The following LRSAM1 variants were observed in gnomAD, a reference collection of about 807,000 sequenced individuals.
The protein encoded by LRSAM1 is E3 ubiquitin-protein ligase LRSAM1.
Under a neutral mutation model 118.1 loss-of-function variants are expected in LRSAM1, and 96 were observed. That is an observed-to-expected ratio of 0.81 (90% CI 0.69 to 0.96). The LOEUF (loss-of-function observed/expected upper bound fraction) is 0.96, where lower values mean the gene tolerates loss of function less well. LRSAM1 is among the 40% of genes least tolerant of loss of function. The probability of loss-of-function intolerance (pLI) is 0.00; values close to 1 mark genes in which losing one functional copy is unlikely to be tolerated. For missense variants in LRSAM1, 804 were observed against 915.5 expected, an observed-to-expected ratio of 0.88 and a Z score of 1.57; for synonymous variants, 322 against 364.2, an observed-to-expected ratio of 0.88 and a Z score of 1.32.
chr9:127,454,398 G>A, intron 2 of LRSAM1, 98 bp from the exon 3 acceptor site: 1 of 903,632 alleles, frequency 1.1e-6, no homozygotes, highest in Non-Finnish European at 1.8e-6. Flanking sequence ...TCATGGTCCA[G>A]CAGACCAGCT....
Position 127,480,020 on chromosome 9 carries a change from C to G in LRSAM1, c.1043+42C>G, listed in dbSNP as rs201167958. On this transcript the variant is annotated intron_variant, in intron 14 of 25. Transcript: ENST00000300417. ...CGGCCCCAGCCCCAGAGTCCTTCCC[C>G]GTGCAGTCCCCTGAGGAGCCGGGAG... is the stretch of plus-strand genomic sequence containing the variant. The G allele has an allele frequency of 9.9e-6, 16 of 1,613,900 alleles. No homozygotes were observed. The Admixed American group carries it at 1.8e-4, about 18-fold the overall frequency.
At chr9:127,466,278 C>T (rs1222123289) in intron 9 of LRSAM1, among the ~76,000 whole-genome samples, 1 of 151,832 alleles carries the variant, frequency 6.6e-6, no homozygotes, top group Non-Finnish European at 1.5e-5. Flanking sequence ...CACTGCACTC[C>T]AGCCTGCCAC....
chr9:127,460,937 C>A (rs1834717520), intron 7 of LRSAM1, among the ~76,000 whole-genome samples: 1 of 145,730 alleles, frequency 6.9e-6, no homozygotes, highest in African/African-American at 2.5e-5. Context: ...CTCACCGCAA[C>A]CTCTGCCTCC....
Position 127,454,542 on chromosome 9 carries a change from CCGGAAG to C in LRSAM1, c.21_26del (p.Arg8_Lys9del). 1 of 1,614,078 alleles carries C rather than the reference CCGGAAG, an allele frequency of 6.2e-7. No individual in the cohort carries two copies. The highest frequency in any genetic ancestry group is 1.1e-5 in the South Asian group (1 of 91,074). On this transcript the variant is annotated inframe_deletion, in exon 3 of 26. Coordinates refer to ENST00000300417, the MANE Select transcript of LRSAM1 (RefSeq NM_001005373.4). ...AAAAGGGAAGGATGCCGCTCTTCTTCCGGAAGCGGAAACCCAGTGAGGAGGCTCGGA... is the reference window on the plus strand; with the variant it reads ...AAAAGGGAAGGATGCCGCTCTTCTTCCGGAAACCCAGTGAGGAGGCTCGGA...
chr9:127,486,246 G>T (rs991270707), intron 17 of LRSAM1, among the ~76,000 whole-genome samples: 7 of 152,228 alleles, frequency 4.6e-5, no homozygotes, highest in Non-Finnish European at 2.9e-5. Flanking sequence ...CAGAGGGGAG[G>T]GGTGTGCTCT....
chr9:127,484,742 G>A (rs1588125690), intron 16 of LRSAM1, among the ~76,000 whole-genome samples: 1 of 151,172 alleles, frequency 6.6e-6, no homozygotes, highest in African/African-American at 2.4e-5. Context: ...TGCTACAAAT[G>A]TGTGTGTACA....
Position 127,457,339 on chromosome 9 carries a change from C to A in LRSAM1, c.198C>A (p.His66Gln), listed in dbSNP as rs533231306. 6.2e-7 allele frequency: 1 copy of A among 1,614,220 alleles called. No homozygotes were observed. The highest frequency in any genetic ancestry group is 2.2e-5 in the East Asian group (1 of 44,882). The change falls in exon 6 of 26, where the codon CAC (histidine) becomes CAA (glutamine). Residue 66 changes from histidine to glutamine, a missense_variant. By Grantham distance (24) the His-to-Gln change is conservative. Transcript: ENST00000300417. ...QKKVLIVHTN[H>Q]LTSLLPKSCS... ...AGGTGCTGATCGTCCACACGAATCACCTCACTTCCCTGCTTCCCAAATCCT... is the reference window on the plus strand; with the variant it reads ...AGGTGCTGATCGTCCACACGAATCAACTCACTTCCCTGCTTCCCAAATCCT...
At chr9:127,483,270 G>A (rs1047684733) in intron 16 of LRSAM1, among the ~76,000 whole-genome samples, 14 of 152,108 alleles carry the variant, frequency 9.2e-5, no homozygotes, top group African/African-American at 2.9e-4. Context: ...TCCAAGGCTC[G>A]GTTTTCTTAG....
At chr9:127,455,520 A>G (rs1834484603) in intron 4 of LRSAM1, 56 bp from the exon 5 acceptor site, 1 of 1,571,002 alleles carries the variant, frequency 6.4e-7, no homozygotes, top group African/African-American at 1.4e-5. Context: ...CCACTCAGAG[A>G]ACAAGCTAAA....
At chr9:127,456,472 C>G (rs1233194011) in intron 5 of LRSAM1, among the ~76,000 whole-genome samples, 1 of 152,144 alleles carries the variant, frequency 6.6e-6, no homozygotes, top group Non-Finnish European at 1.5e-5. Flanking sequence ...CTCAAGTGAT[C>G]CACCTGCCTT....
intron 25 of LRSAM1, among the ~76,000 whole-genome samples, chr9:127,502,170 G>A (rs963900681): frequency 6.6e-6 from 1 of 152,268 alleles, no homozygotes; most frequent in African/African-American, 2.4e-5. Flanking sequence ...GGCCTCCGTC[G>A]CCTGTCCAGA....
intron 3 of LRSAM1, among the ~76,000 whole-genome samples, 166 bp downstream of exon 3, chr9:127,454,765 G>A (rs953310785): frequency 2.6e-5 from 4 of 152,270 alleles, no homozygotes; most frequent in Non-Finnish European, 4.4e-5. Flanking sequence ...CCTGCCAAGG[G>A]TGCTTCTCCC....
intron 16 of LRSAM1, 41 bp downstream of exon 16, chr9:127,483,061 T>A: frequency 6.3e-7 from 1 of 1,580,526 alleles, no homozygotes; most frequent in Non-Finnish European, 8.7e-7. Flanking sequence ...CGCTGCCTGC[T>A]GGCTGGGCTG....
chr9:127,464,345 A>G (rs1258105550), intron 9 of LRSAM1, among the ~76,000 whole-genome samples: 1 of 151,824 alleles, frequency 6.6e-6, no homozygotes, highest in Non-Finnish European at 1.5e-5. Flanking sequence ...GGCCATGTGT[A>G]TCTAATGAGC....
At chr9:127,461,617 G>A (rs1834750315) in intron 8 of LRSAM1, among the ~76,000 whole-genome samples, 1 of 152,362 alleles carries the variant, frequency 6.6e-6, no homozygotes, top group Non-Finnish European at 1.5e-5. Flanking sequence ...CTCCAGCGAC[G>A]CACCAAGCCT....
chr9:127,479,496 G>A lies in LRSAM1; in HGVS notation c.894G>A (p.Thr298=), dbSNP rs771491533. ...SSSQKDEILQ[T]VKEEQSRLEQ... ...GCCAGAAGGATGAGATCCTTCAGAC[G>A]GTCAAGGAGGTTTGTGAGCCGCCTG... The change falls in exon 13 of 26, where the codon ACG becomes ACA. Residue 298 remains threonine (T), a synonymous_variant. Transcript: ENST00000300417. 243 of 1,613,780 alleles carry A rather than the reference G, an allele frequency of 1.5e-4. No homozygotes were observed. The highest frequency in any genetic ancestry group is 3.0e-4 in the Admixed American group (18 of 59,998).
chr9:127,479,990 C>T lies in LRSAM1; in HGVS notation c.1043+12C>T. 1 of 1,614,230 alleles carries T rather than the reference C, an allele frequency of 6.2e-7. No individual in the cohort carries two copies. Among genetic ancestry groups the T allele is most frequent in the African/African-American group, 1.3e-5 (1 of 75,058 alleles). Reference sequence around the variant, plus strand: ...CAGGACAATCAGAGGTTGGGCTCTGCTCCTCGGCCCCAGCCCCAGAGTCCT... The same window carrying T: ...CAGGACAATCAGAGGTTGGGCTCTGTTCCTCGGCCCCAGCCCCAGAGTCCT... On this transcript the variant is annotated intron_variant, in intron 14 of 25. Transcript: ENST00000300417.
At chr9:127,451,816 CTA>C (rs1298334148) in intron 1 of LRSAM1, 111 bp from the exon 2 acceptor site, 2 of 156,954 alleles carry the variant, frequency 1.3e-5, no homozygotes, top group Admixed American at 6.4e-5. Flanking sequence ...TCAAAACAGT[CTA>C]TGTGGAAATC....
chr9:127,486,991 T>C (rs1280965072), intron 17 of LRSAM1, among the ~76,000 whole-genome samples: 1 of 152,012 alleles, frequency 6.6e-6, no homozygotes, highest in African/African-American at 2.4e-5. Context: ...GAGACCAGCC[T>C]GGCCAACATG....
Sources: gnomAD v4.1 joint callset for allele counts (sites outside exome capture counted in the v4.1 genomes callset) on GRCh38, gnomAD v4.1.1 for gene constraint, MANE v1.5 for transcripts, NCBI Gene and HGNC (gene_info 2026-07-23, HGNC 2026-07-21) for gene names.